ARID2: variants seen among roughly 807,000 people sequenced by gnomAD.
ARID2 encodes the protein AT-rich interaction domain 2.
Under a neutral mutation model 184.6 loss-of-function variants are expected in ARID2, and 32 were observed. That is an observed-to-expected ratio of 0.17 (90% CI 0.13 to 0.23). ARID2 has a LOEUF of 0.23. ARID2 is among the 10% of genes least tolerant of loss of function. The pLI, the probability that ARID2 is intolerant of heterozygous loss-of-function variation, is 1.00. For synonymous variants in ARID2, 836 were observed against 772.6 expected, an observed-to-expected ratio of 1.08 and a Z score of -1.36; for missense variants, 1,696 against 2,197.6, an observed-to-expected ratio of 0.77 and a Z score of 4.56.
At position 45,904,977 on chromosome 12, in the gene ARID2, A is replaced by G; in HGVS notation, c.5407A>G (p.Ser1803Gly). ...HENNLSVLAI[S>G]NMEASSTLAK... ...AAATAACTTATCAGTGCTAGCCATT[A>G]GTAACATGGAAGCTTCCTCCACCCT... is the stretch of plus-strand genomic sequence containing the variant. Residue 1803 changes from serine (S) to glycine (G), a missense_variant, in exon 21 of 21, where the codon AGT (serine) becomes GGT (glycine). Ser to Gly is a moderately conservative substitution (Grantham distance 56). Coordinates refer to ENST00000334344, the MANE Select transcript of ARID2 (RefSeq NM_152641.4). 1 of 1,614,052 alleles carries G rather than the reference A, an allele frequency of 6.2e-7. No homozygotes were observed. Among genetic ancestry groups the G allele is most frequent in the Non-Finnish European group, 8.5e-7 (1 of 1,179,970 alleles).
At chr12:45,818,134 C>A (rs1942839739) in intron 5 of ARID2, among the ~76,000 whole-genome samples, 1 of 151,956 alleles carries the variant, frequency 6.6e-6, no homozygotes, top group South Asian at 2.1e-4. Context: ...ATATAGATTT[C>A]CTGAGTTGAG....
At chr12:45,858,944 A>G (rs144059375) in intron 15 of ARID2, among the ~76,000 whole-genome samples, 132 of 152,366 alleles carry the variant, frequency 8.7e-4, no homozygotes, top group African/African-American at 3.0e-3. Context: ...TTAGAACTCA[A>G]AAGTTCTTGA....
intron 5 of ARID2, among the ~76,000 whole-genome samples, chr12:45,819,946 G>GT (rs1184337633): frequency 1.3e-5 from 2 of 151,990 alleles, no homozygotes; most frequent in Non-Finnish European, 2.9e-5. Flanking sequence ...GTTTCCTCAT[G>GT]TTGGCCAGGC....
chr12:45,753,148 A>C (rs1174275268), intron 3 of ARID2, among the ~76,000 whole-genome samples: 1 of 152,166 alleles, frequency 6.6e-6, no homozygotes, highest in Admixed American at 6.5e-5. Context: ...CTGTAACCCC[A>C]GCTACTCGGG....
In ARID2 at chr12:45,892,058, T is replaced by A. The variant is rs961359457; in HGVS notation, c.5109T>A (p.Asp1703Glu). Residue 1703 changes from aspartate (D) to glutamate (E), a missense_variant, in exon 18 of 21, where the codon GAT (aspartate) becomes GAA (glutamate). Around this residue, in one of 11 missense-constraint regions of ARID2, gnomAD observed 58 missense variants for 47.1 expected, o/e 1.23. Coordinates refer to ENST00000334344, the MANE Select transcript of ARID2 (RefSeq NM_152641.4). ...KDALLAGLKQ[D>E]EPGQAGSQKS... ...CCCTACTTGCAGGATTAAAACAAGA[T>A]GAACCAGGACAAGCAGGAAGTCAGA... is the stretch of plus-strand genomic sequence containing the variant. The A allele has an allele frequency of 5.0e-6, 8 of 1,614,070 alleles. No homozygotes were observed. The highest frequency in any genetic ancestry group is 5.9e-6 in the Non-Finnish European group (7 of 1,179,980).
intron 20 of ARID2, among the ~76,000 whole-genome samples, chr12:45,899,785 C>T (rs536234777): frequency 7.6e-4 from 99 of 130,452 alleles, no homozygotes; most frequent in African/African-American, 2.5e-3. Context: ...TTTACCCCCC[C>T]CTCCCACCTC....
chr12:45,776,272 T>G (rs936881559), intron 3 of ARID2: 2 of 152,536 alleles, frequency 1.3e-5, no homozygotes, highest in African/African-American at 4.8e-5. Context: ...TGCTAAAGTT[T>G]AGGAACTGCT....
At chr12:45,801,867 G>A (rs1452370033) in intron 3 of ARID2, among the ~76,000 whole-genome samples, 3 of 152,114 alleles carry the variant, frequency 2.0e-5, no homozygotes, top group Non-Finnish European at 4.4e-5. Context: ...AACAATTGGT[G>A]TATCTGGATC....
At chr12:45,794,687 C>T (rs565279590) in intron 3 of ARID2, among the ~76,000 whole-genome samples, 30 of 152,204 alleles carry the variant, frequency 2.0e-4, no homozygotes, top group Non-Finnish European at 3.8e-4. Flanking sequence ...ATTCGTCTTG[C>T]GTACTTTAAT....
At chr12:45,754,799 A>G (rs1355519696) in intron 3 of ARID2, among the ~76,000 whole-genome samples, 1 of 152,212 alleles carries the variant, frequency 6.6e-6, no homozygotes, top group Admixed American at 6.5e-5. Flanking sequence ...TAGCCCTAAC[A>G]TCATAACACA....
At chr12:45,865,984 A>G (rs1943826282) in intron 16 of ARID2, among the ~76,000 whole-genome samples, 1 of 152,138 alleles carries the variant, frequency 6.6e-6, no homozygotes, top group Non-Finnish European at 1.5e-5. Flanking sequence ...TAGCGTTATC[A>G]GAAGATAACC....
chr12:45,849,583 G>A lies in ARID2; in HGVS notation c.1719G>A (p.Thr573=), dbSNP rs369889338. 3.7e-6 allele frequency: 6 copies of A among 1,609,596 alleles called. No individual in the cohort carries two copies. The highest frequency in any genetic ancestry group is 3.3e-5 in the Admixed American group (2 of 59,712). ...TGATTATGTATGTACTTTACAGAAC[G>A]GTCTTTCCAAATCATACAGTGAAGA... The part of the protein sequence containing the change: ...TSTGFYKCLR[T]VFPNHTVKRV... Residue 573 remains threonine (T), a synonymous_variant, in exon 14 of 21, where the codon ACG becomes ACA. Coordinates refer to ENST00000334344, the MANE Select transcript of ARID2 (RefSeq NM_152641.4).
At chr12:45,823,271 A>T (rs1942933015) in intron 6 of ARID2, among the ~76,000 whole-genome samples, 1 of 152,156 alleles carries the variant, frequency 6.6e-6, no homozygotes, top group Non-Finnish European at 1.5e-5. Context: ...TGGAAACACA[A>T]TATGCCAAAA....
At chr12:45,890,094 G>A (rs1944274705) in intron 16 of ARID2, among the ~76,000 whole-genome samples, 1 of 152,166 alleles carries the variant, frequency 6.6e-6, no homozygotes, top group South Asian at 2.1e-4. Context: ...TATGACTAGA[G>A]TAGTTAGATA....
At chr12:45,859,066 T>G (rs1443874632) in intron 15 of ARID2, among the ~76,000 whole-genome samples, 1 of 152,186 alleles carries the variant, frequency 6.6e-6, no homozygotes, top group Admixed American at 6.5e-5. Context: ...TAAAGAAAAT[T>G]ACTGTGGCTT....
rs200315602 is a variant in ARID2, at chr12:45,796,507, T to TTTTAC, written c.285-14907_285-14906insCTTTA. Among the ~76,000 whole-genome samples, 924 of 152,150 alleles carry TTTTAC rather than the reference T, an allele frequency of 6.1e-3. 15 individuals carry two copies. Among genetic ancestry groups the TTTTAC allele is most frequent in the African/African-American group, 0.021 (862 of 41,516 alleles). On this transcript the variant is annotated intron_variant, in intron 3 of 20. Transcript: ENST00000334344. ...AATGAATCTGTGAATAACATGTTTA[T>TTTTAC]TTTATTTTATTTTATTTTATTTTGG... is the stretch of plus-strand genomic sequence containing the variant.
At chr12:45,875,923 C>A (rs1420902907) in intron 16 of ARID2, among the ~76,000 whole-genome samples, 1 of 152,230 alleles carries the variant, frequency 6.6e-6, no homozygotes, top group Admixed American at 6.5e-5. Context: ...CAGCAAGGCT[C>A]TTTCACTTTC....
chr12:45,900,772 A>G (rs1944446865), intron 20 of ARID2, among the ~76,000 whole-genome samples: 1 of 152,230 alleles, frequency 6.6e-6, no homozygotes, highest in African/African-American at 2.4e-5. Flanking sequence ...TGTTGGCTGT[A>G]CATAACATTC....
rs148274456 is a variant in ARID2 at position 45,806,245 on chromosome 12, T to C, written c.285-5173T>C. 3.5e-3 allele frequency among the ~76,000 whole-genome samples: 531 copies of C among 152,108 alleles called. 3 individuals carry two copies. The highest frequency in any genetic ancestry group is 0.01 in the Middle Eastern group (3 of 292). ...GGGGCGAGATGGTGGTTCTGGATAG[T>C]TCTAAGAATCTTCTCTATTTTTGAA... On this transcript the variant is annotated intron_variant, in intron 3 of 20. Transcript: ENST00000334344.
Sources: gnomAD v4.1 joint callset for allele counts (sites outside exome capture counted in the v4.1 genomes callset) on GRCh38, gnomAD v4.1.1 for gene constraint, gnomAD v4.1.1 regional missense constraint, MANE v1.5 for transcripts, NCBI Gene and HGNC (gene_info 2026-07-23, HGNC 2026-07-21) for gene names.